Variants in MYO1E observed in about 807,000 individuals in gnomAD.
MYO1E encodes the protein unconventional myosin-Ie.
A neutral mutation model predicts 151.1 loss-of-function variants in MYO1E; 68 were observed. The ratio of observed to expected loss-of-function variants is 0.45; its 90% confidence interval spans 0.37 to 0.55. The LOEUF is 0.55. Among genes scored for constraint, MYO1E ranks in the 20% least tolerant of loss-of-function variants. MYO1E has a pLI of 0.00. For synonymous variants in MYO1E, 601 were observed against 501.7 expected, an observed-to-expected ratio of 1.20 and a Z score of -2.64; for missense variants, 1,363 against 1,389.3, an observed-to-expected ratio of 0.98 and a Z score of 0.30.
chr15:59,223,594 T>C (rs1454488732), intron 8 of MYO1E, among the ~76,000 whole-genome samples: 2 of 152,244 alleles, frequency 1.3e-5, no homozygotes, highest in African/African-American at 4.8e-5. Flanking sequence ...GTGTTCTTGT[T>C]GCCAGCTTCC....
Position 59,206,963 on chromosome 15 carries a change from T to G in MYO1E, c.1531-1478A>C, listed in dbSNP as rs1211275518. 1.8e-5 allele frequency: 29 copies of G among 1,613,776 alleles called. No individual in the cohort carries two copies. In the East Asian group the frequency reaches 5.6e-4, roughly 31 times the overall value. On this transcript the variant is annotated intron_variant, in intron 14 of 27. Transcript: ENST00000288235. ...GCCATGAGTTGGACTGTGCCTGTTGTGCGGGCCAGCCAGAGAGTGAGCTCG... is the reference window on the plus strand; with the variant it reads ...GCCATGAGTTGGACTGTGCCTGTTGGGCGGGCCAGCCAGAGAGTGAGCTCG...
intron 1 of MYO1E, among the ~76,000 whole-genome samples, chr15:59,290,686 G>A (rs2080413817): frequency 6.6e-6 from 1 of 152,200 alleles, no homozygotes; most frequent in Admixed American, 6.5e-5. Context: ...TAACCTTGCA[G>A]AAATCCTCAG....
intron 1 of MYO1E, among the ~76,000 whole-genome samples, chr15:59,323,295 T>C (rs1318700145): frequency 6.6e-6 from 1 of 151,556 alleles, no homozygotes; most frequent in Non-Finnish European, 1.5e-5. Flanking sequence ...TGATGAAATA[T>C]GGTAATTTCT....
chr15:59,137,814 A>G (rs969350150), intron 27 of MYO1E, among the ~76,000 whole-genome samples: 30 of 152,200 alleles, frequency 2.0e-4, no homozygotes, highest in Non-Finnish European at 2.1e-4. Flanking sequence ...TTGCTACTGA[A>G]GTTGGTTCAG....
rs188984862 is a variant in MYO1E at position 59,370,582 on chromosome 15, A to G, written c.3+1916T>C. ...ATGGCAGGGAGCCCATCAATAGGGAAGTCACACACTGTCCTCAGATAGAAC... is the reference window on the plus strand; with the variant it reads ...ATGGCAGGGAGCCCATCAATAGGGAGGTCACACACTGTCCTCAGATAGAAC... On this transcript the variant is annotated intron_variant, in intron 1 of 27. Coordinates refer to ENST00000288235, the MANE Select transcript of MYO1E (RefSeq NM_004998.4). Among the ~76,000 whole-genome samples, 18 of 152,334 alleles carry G rather than the reference A, an allele frequency of 1.2e-4. No homozygotes were observed. The East Asian group carries it at 3.1e-3, about 26-fold the overall frequency.
chr15:59,237,531 T>C lies in MYO1E; in HGVS notation c.333-859A>G, dbSNP rs143987197. Among the ~76,000 whole-genome samples, 13 of 152,358 alleles carry C rather than the reference T, an allele frequency of 8.5e-5. No homozygotes were observed. In the East Asian group the frequency reaches 2.3e-3, roughly 27 times the overall value. On this transcript the variant is annotated intron_variant, in intron 4 of 27. Coordinates refer to ENST00000288235, the MANE Select transcript of MYO1E (RefSeq NM_004998.4). The stretch of plus-strand genomic sequence containing the variant: ...GTCAGATTTTTCATCTTTCTATTGG[T>C]ACCCTTTGTGTTACCAGGATAGAAT...
At chr15:59,339,808 C>T (rs531905992) in intron 1 of MYO1E, among the ~76,000 whole-genome samples, 6 of 151,950 alleles carry the variant, frequency 3.9e-5, no homozygotes, top group African/African-American at 1.2e-4. Context: ...GACAATATAG[C>T]GAGATACCTT....
chr15:59,317,133 T>C (rs573631300), intron 1 of MYO1E, among the ~76,000 whole-genome samples: 2 of 152,222 alleles, frequency 1.3e-5, no homozygotes, highest in Non-Finnish European at 2.9e-5. Context: ...TCCATCCATC[T>C]ACTCGATAAA....
intron 1 of MYO1E, among the ~76,000 whole-genome samples, chr15:59,276,527 TTAGA>T (rs1245496195): frequency 3.9e-5 from 6 of 152,126 alleles, no homozygotes; most frequent in Non-Finnish European, 7.4e-5. Flanking sequence ...GAAATTTCCA[TTAGA>T]TAGAGATTGA....
chr15:59,143,028 C>T (rs918469095), intron 26 of MYO1E, among the ~76,000 whole-genome samples: 6 of 151,176 alleles, frequency 4.0e-5, no homozygotes, highest in African/African-American at 1.2e-4. Flanking sequence ...ATAAATAAGA[C>T]CTAAGGGGAT....
chr15:59,197,678 A>G (rs1238229354), intron 16 of MYO1E, among the ~76,000 whole-genome samples: 1 of 152,240 alleles, frequency 6.6e-6, no homozygotes, highest in Non-Finnish European at 1.5e-5. Flanking sequence ...TTCTTTGGCA[A>G]CAATCCTATC....
chr15:59,216,675 T>C (rs2079919018), intron 10 of MYO1E, among the ~76,000 whole-genome samples: 1 of 28,826 alleles, frequency 3.5e-5, no homozygotes, highest in Admixed American at 4.7e-4. Flanking sequence ...TGTATATATA[T>C]ATATATATAT....
chr15:59,276,542 G>A (rs2080320299), intron 1 of MYO1E, among the ~76,000 whole-genome samples: 1 of 152,140 alleles, frequency 6.6e-6, no homozygotes, highest in Non-Finnish European at 1.5e-5. Context: ...TAGAGATTGA[G>A]TGCAGACACT....
At chr15:59,198,316 C>T (rs114694914) in intron 16 of MYO1E, among the ~76,000 whole-genome samples, 2,718 of 152,272 alleles carry the variant, frequency 0.018, 95 homozygotes, top group African/African-American at 0.061. Flanking sequence ...GCAGACAGCA[C>T]AGTGAGAAAC....
intron 18 of MYO1E, among the ~76,000 whole-genome samples, chr15:59,186,437 T>A (rs1232009894): frequency 1.3e-5 from 2 of 152,062 alleles, no homozygotes; most frequent in African/African-American, 4.8e-5. Flanking sequence ...AGCCCCTGCA[T>A]AATATATCAG....
At chr15:59,251,385 GA>G (rs1195107198) in intron 4 of MYO1E, among the ~76,000 whole-genome samples, 2 of 151,786 alleles carry the variant, frequency 1.3e-5, no homozygotes, top group African/African-American at 4.8e-5. Flanking sequence ...TCAGTGTCAT[GA>G]AAAAAAACAG....
intron 1 of MYO1E, among the ~76,000 whole-genome samples, chr15:59,352,805 C>T (rs2080830779): frequency 6.6e-6 from 1 of 152,184 alleles, no homozygotes; most frequent in South Asian, 2.1e-4. Flanking sequence ...CTAAGGTCTG[C>T]AGAAGGAATT....
chr15:59,283,253 T>C (rs192201955), intron 1 of MYO1E, among the ~76,000 whole-genome samples: 2 of 152,138 alleles, frequency 1.3e-5, no homozygotes, highest in East Asian at 3.9e-4. Flanking sequence ...CACCACACCA[T>C]TTTCTGTGCA....
chr15:59,190,489 T>C (rs2079726351), intron 17 of MYO1E, among the ~76,000 whole-genome samples: 1 of 152,156 alleles, frequency 6.6e-6, no homozygotes. Flanking sequence ...TACTTGCGGA[T>C]GTCTACTGTG....
Sources: gnomAD v4.1 joint callset for allele counts (sites outside exome capture counted in the v4.1 genomes callset) on GRCh38, gnomAD v4.1.1 for gene constraint, MANE v1.5 for transcripts, NCBI Gene and HGNC (gene_info 2026-07-23, HGNC 2026-07-21) for gene names.